The following LMX1A variants were observed in gnomAD, a reference collection of about 807,000 sequenced individuals.
LMX1A encodes LIM homeobox transcription factor 1 alpha, also known as LIM homeobox transcription factor 1-alpha.
In LMX1A, 15 loss-of-function variants were observed where a neutral mutation model predicts 49.1. The ratio of observed to expected loss-of-function variants is 0.31; its 90% CI spans 0.20 to 0.47. LMX1A has a LOEUF of 0.47. Among genes scored for constraint, LMX1A ranks in the 20% least tolerant of loss-of-function variants. The probability of loss-of-function intolerance (pLI) is 1.00; values close to 1 mark genes in which losing one functional copy is unlikely to be tolerated. For synonymous variants in LMX1A, 167 were observed against 185.7 expected, an observed-to-expected ratio of 0.90 and a Z score of 0.82; for missense variants, 372 against 475.8, an observed-to-expected ratio of 0.78 and a Z score of 2.03.
rs1557853647 is a variant in LMX1A at position 165,221,907 on chromosome 1, CTACA to C, written c.497-8098_497-8095del. Among the ~76,000 whole-genome samples, 3 of 77,546 alleles carry C rather than the reference CTACA, an allele frequency of 3.9e-5. No individual in the cohort carries two copies. The East Asian group carries it at 1.2e-3, about 30-fold the overall frequency. 50.9% of individuals were successfully genotyped at this position (77,546 alleles called of 152,430 possible). A position where few individuals can be genotyped will look rare whatever the true frequency, so the allele number is the denominator to read the frequency against. On this transcript the variant is annotated intron_variant, in intron 4 of 8. Coordinates refer to ENST00000342310, the MANE Select transcript of LMX1A (RefSeq NM_177398.4). ...CACCTACCTTAGCTCTGTCTCCACT[CTACA>C]CACACACACACACACACACACACAC...
intron 4 of LMX1A, among the ~76,000 whole-genome samples, chr1:165,247,726 T>C (rs1181816737): frequency 6.6e-6 from 1 of 152,226 alleles, no homozygotes; most frequent in African/African-American, 2.4e-5. Context: ...CCAGGCTTTT[T>C]ATATGCATTC....
chr1:165,223,844 A>G (rs2102614591), intron 4 of LMX1A, among the ~76,000 whole-genome samples: 1 of 152,104 alleles, frequency 6.6e-6, no homozygotes, highest in East Asian at 1.9e-4. Flanking sequence ...CTACACCCAT[A>G]TAAAGATTCT....
intron 4 of LMX1A, among the ~76,000 whole-genome samples, chr1:165,222,428 G>A (rs956633364): frequency 7.2e-5 from 11 of 152,174 alleles, no homozygotes; most frequent in East Asian, 3.8e-4. Context: ...TAAGTGGATC[G>A]AATACCATCT....
At chr1:165,204,993 C>G (rs372379032) in intron 8 of LMX1A, among the ~76,000 whole-genome samples, 1 of 151,684 alleles carries the variant, frequency 6.6e-6, no homozygotes, top group African/African-American at 2.4e-5. Context: ...ATTTTAACAA[C>G]AGAATTTTTT....
At chr1:165,299,966 A>G (rs1003331912) in intron 3 of LMX1A, among the ~76,000 whole-genome samples, 8 of 152,178 alleles carry the variant, frequency 5.3e-5, no homozygotes, top group East Asian at 1.9e-4. Context: ...GTACGACTAT[A>G]GGGTCACTGT....
At chr1:165,251,345 A>T (rs556668339) in intron 3 of LMX1A, among the ~76,000 whole-genome samples, 1 of 152,152 alleles carries the variant, frequency 6.6e-6, no homozygotes, top group African/African-American at 2.4e-5. Context: ...GGCCTCCCAA[A>T]GTGCTAGGAT....
intron 3 of LMX1A, among the ~76,000 whole-genome samples, chr1:165,345,837 C>T (rs6670598): frequency 0.52 from 79,548 of 151,990 alleles, 22,531 homozygotes; most frequent in Non-Finnish European, 0.65. Flanking sequence ...CAGGACCAGC[C>T]GGAGCAACAT....
Position 165,242,648 on chromosome 1 carries a change from G to A in LMX1A, c.496+6760C>T, listed in dbSNP as rs530234324. Among the ~76,000 whole-genome samples, 9 of 151,412 alleles carry A rather than the reference G, an allele frequency of 5.9e-5. No individual in the cohort carries two copies. In the South Asian group the frequency reaches 6.3e-4, roughly 11 times the overall value. ...TCCCAGCACTTTGGGAGGCTGAGGC[G>A]GGCAGATCATGAGGTCAGGAGATCA... On this transcript the variant is annotated intron_variant, in intron 4 of 8. Coordinates refer to ENST00000342310, the MANE Select transcript of LMX1A (RefSeq NM_177398.4).
At chr1:165,207,613 A>G (rs1651145557) in intron 7 of LMX1A, 1 of 155,660 alleles carries the variant, frequency 6.4e-6, no homozygotes, top group Non-Finnish European at 1.4e-5. Context: ...GAGAACACCA[A>G]TCTATAAGAG....
rs141987818 is a variant in LMX1A at position 165,283,012 on chromosome 1, C to T, written c.264-33372G>A. On this transcript the variant is annotated intron_variant, in intron 3 of 8. Transcript: ENST00000342310. ...CACCACTGTCTCCAACCCCAAGTCA[C>T]ACATACTCTTTCATTCAGCTCCAGC... 1.0e-3 allele frequency among the ~76,000 whole-genome samples: 154 copies of T among 152,344 alleles called. 1 individual carries two copies. Among genetic ancestry groups the T allele is most frequent in the African/African-American group, 3.5e-3 (146 of 41,580 alleles).
intron 3 of LMX1A, among the ~76,000 whole-genome samples, chr1:165,293,597 TC>T (rs1411679162): frequency 6.6e-6 from 1 of 152,236 alleles, no homozygotes; most frequent in Non-Finnish European, 1.5e-5. Flanking sequence ...TGTGTTATAG[TC>T]CATTCAGGCT....
intron 3 of LMX1A, among the ~76,000 whole-genome samples, chr1:165,285,081 AG>A (rs1326271921): frequency 2.0e-5 from 3 of 152,266 alleles, no homozygotes; most frequent in Admixed American, 2.0e-4. Flanking sequence ...GTTCTTAAAA[AG>A]ATTACATGTT....
At chr1:165,261,182 C>A (rs1015748496) in intron 3 of LMX1A, among the ~76,000 whole-genome samples, 1 of 152,104 alleles carries the variant, frequency 6.6e-6, no homozygotes, top group Non-Finnish European at 1.5e-5. Flanking sequence ...TCTCGAGAAC[C>A]CCATAGAAGT....
chr1:165,255,147 G>T (rs1015800094), intron 3 of LMX1A, among the ~76,000 whole-genome samples: 3 of 152,174 alleles, frequency 2.0e-5, no homozygotes, highest in African/African-American at 7.2e-5. Context: ...CTAAATAAAT[G>T]ACCTCAGTAG....
chr1:165,218,072 G>A (rs896800478), intron 4 of LMX1A, among the ~76,000 whole-genome samples: 5 of 152,188 alleles, frequency 3.3e-5, no homozygotes, highest in Non-Finnish European at 7.3e-5. Flanking sequence ...GGGCATGGCT[G>A]TGTTCCAATA....
intron 3 of LMX1A, among the ~76,000 whole-genome samples, chr1:165,308,940 C>A (rs993319060): frequency 6.6e-6 from 1 of 152,122 alleles, no homozygotes; most frequent in Non-Finnish European, 1.5e-5. Context: ...GGTCCTTCCC[C>A]CTCTGTTTTG....
intron 4 of LMX1A, among the ~76,000 whole-genome samples, chr1:165,240,140 T>C (rs74832051): frequency 0.022 from 3,337 of 152,296 alleles, 126 homozygotes; most frequent in African/African-American, 0.076. Context: ...TTGAAACTTA[T>C]ATACACACCT....
chr1:165,227,068 G>C (rs12126828), intron 4 of LMX1A, among the ~76,000 whole-genome samples: 19 of 152,114 alleles, frequency 1.2e-4, no homozygotes, highest in African/African-American at 4.3e-4. Context: ...GGTCTCAGGG[G>C]ATCAGGGCAG....
At chr1:165,279,620 C>G (rs1487879655) in intron 3 of LMX1A, among the ~76,000 whole-genome samples, 1 of 152,204 alleles carries the variant, frequency 6.6e-6, no homozygotes, top group African/African-American at 2.4e-5. Context: ...CTGATGCTGC[C>G]TGTCCAGGAC....
Sources: allele counts gnomAD v4.1 joint callset (sites outside exome capture counted in the v4.1 genomes callset), GRCh38; gene constraint gnomAD v4.1.1; transcripts MANE v1.5; gene names NCBI Gene and HGNC (gene_info 2026-07-23, HGNC 2026-07-21).